GOLIM4: variants seen among roughly 807,000 people sequenced by gnomAD.
The protein encoded by GOLIM4 is golgi integral membrane protein 4.
A neutral mutation model predicts 107.4 loss-of-function variants in GOLIM4; 71 were observed. The observed-to-expected ratio is 0.66, with a 90% CI of 0.55 to 0.81. The LOEUF is 0.81. Ranked by LOEUF, GOLIM4 falls within the 30% of genes least tolerant of loss-of-function variation. The pLI is 0.00. For missense variants in GOLIM4, 830 were observed against 826.1 expected (o/e 1.00, Z -0.06); for synonymous variants, 327 against 294.8 (o/e 1.11, Z -1.12).
intron 1 of GOLIM4, among the ~76,000 whole-genome samples, chr3:168,055,833 C>T (rs887206966): frequency 6.7e-6 from 1 of 149,664 alleles, no homozygotes; most frequent in African/African-American, 2.5e-5. Flanking sequence ...GACTCAGGTG[C>T]TGTTAAAGGC....
At chr3:168,094,188 T>C (rs1722042870) in intron 1 of GOLIM4, among the ~76,000 whole-genome samples, 1 of 152,252 alleles carries the variant, frequency 6.6e-6, no homozygotes, top group South Asian at 2.1e-4. Context: ...ACGTTAAAAG[T>C]AAATTCAAAT....
chr3:168,012,076 C>T (rs1560065164), intron 14 of GOLIM4, among the ~76,000 whole-genome samples: 2 of 125,734 alleles, frequency 1.6e-5, no homozygotes, highest in South Asian at 2.2e-4. Flanking sequence ...AGGCTTCAGA[C>T]GATCAAATTA....
intron 14 of GOLIM4, among the ~76,000 whole-genome samples, chr3:168,019,624 A>G (rs923911092): frequency 6.6e-6 from 1 of 152,086 alleles, no homozygotes; most frequent in African/African-American, 2.4e-5. Flanking sequence ...TTCTGAATTT[A>G]TTTGCTTCTT....
intron 3 of GOLIM4, among the ~76,000 whole-genome samples, chr3:168,045,708 AT>A (rs555797028): frequency 5.9e-5 from 9 of 151,892 alleles, no homozygotes; most frequent in African/African-American, 9.7e-5. Context: ...ACACTCATGC[AT>A]TTTTTTTCAT....
chr3:168,089,224 AATG>A (rs1452965413), intron 1 of GOLIM4, among the ~76,000 whole-genome samples: 1 of 152,208 alleles, frequency 6.6e-6, no homozygotes, highest in Non-Finnish European at 1.5e-5. Flanking sequence ...ATCAAGCAAA[AATG>A]ATAGTCTCTT....
chr3:168,092,881 GT>G (rs1188747446), intron 1 of GOLIM4, among the ~76,000 whole-genome samples: 1 of 152,330 alleles, frequency 6.6e-6, no homozygotes, highest in East Asian at 1.9e-4. Flanking sequence ...TAGCCTGCTT[GT>G]GAAATAATTA....
chr3:168,090,991 G>A (rs1721878634), intron 1 of GOLIM4, among the ~76,000 whole-genome samples: 1 of 151,954 alleles, frequency 6.6e-6, no homozygotes, highest in Non-Finnish European at 1.5e-5. Context: ...GACATAGAGA[G>A]TGGAAGTGGA....
At chr3:168,074,249 T>C (rs531130221) in intron 1 of GOLIM4, among the ~76,000 whole-genome samples, 31 of 152,350 alleles carry the variant, frequency 2.0e-4, no homozygotes, top group African/African-American at 7.2e-4. Flanking sequence ...AAGCTGCTTC[T>C]GGATTCATGA....
At chr3:168,066,495 G>C (rs1291101367) in intron 1 of GOLIM4, among the ~76,000 whole-genome samples, 1 of 152,040 alleles carries the variant, frequency 6.6e-6, no homozygotes, top group Non-Finnish European at 1.5e-5. Flanking sequence ...ACTTCTCAGG[G>C]AGAACAGTTA....
intron 14 of GOLIM4, 122 bp downstream of exon 14, chr3:168,024,404 G>T: frequency 1.3e-6 from 1 of 792,200 alleles, no homozygotes; most frequent in Non-Finnish European, 2.2e-6. Flanking sequence ...TTCTTATCCT[G>T]CTTAAATTTT....
At chr3:168,042,632 T>C (rs1015920295) in intron 5 of GOLIM4, among the ~76,000 whole-genome samples, 8 of 152,188 alleles carry the variant, frequency 5.3e-5, no homozygotes, top group South Asian at 2.1e-4. Context: ...ACCTAAATAT[T>C]TGATTGCAGA....
intron 14 of GOLIM4, among the ~76,000 whole-genome samples, chr3:168,017,165 A>G (rs976073220): frequency 6.6e-6 from 1 of 152,182 alleles, no homozygotes; most frequent in South Asian, 2.1e-4. Context: ...TTCCAAATAT[A>G]AAACATCTGA....
intron 1 of GOLIM4, among the ~76,000 whole-genome samples, chr3:168,079,815 C>T (rs1007758595): frequency 2.0e-5 from 3 of 151,924 alleles, no homozygotes; most frequent in Non-Finnish European, 4.4e-5. Flanking sequence ...TAATTTTACA[C>T]TATATTTTAA....
At chr3:168,085,874 A>G (rs748074614) in intron 1 of GOLIM4, among the ~76,000 whole-genome samples, 32 of 151,948 alleles carry the variant, frequency 2.1e-4, no homozygotes, top group Non-Finnish European at 3.7e-4. Flanking sequence ...TCCTACCACC[A>G]TATGTTGGCT....
intron 1 of GOLIM4, among the ~76,000 whole-genome samples, chr3:168,066,618 A>G (rs1182636685): frequency 1.3e-5 from 2 of 152,146 alleles, no homozygotes; most frequent in African/African-American, 4.8e-5. Flanking sequence ...AGTGTCCTTT[A>G]ATACCTACTT....
At chr3:168,015,270 T>C (rs1335843903) in intron 14 of GOLIM4, among the ~76,000 whole-genome samples, 2 of 142,332 alleles carry the variant, frequency 1.4e-5, no homozygotes, top group Non-Finnish European at 3.0e-5. Context: ...AGCCAAATCA[T>C]GAGTGAACTC....
At position 168,029,389 on chromosome 3, in the gene GOLIM4, A is replaced by G. The variant is rs144010173; in HGVS notation, c.1434-87T>C. 6.2e-5 allele frequency: 51 copies of G among 819,236 alleles called. No individual in the cohort carries two copies. The African/African-American group carries it at 7.2e-4, about 12-fold the overall frequency. 50.7% of individuals were successfully genotyped at this position (819,236 alleles called of 1,614,324 possible). ...AGGTCATTTATCTTTAAAGACAGTAATAAGTAATGTTTCTCAACATTTTTA... is the reference window on the plus strand; with the variant it reads ...AGGTCATTTATCTTTAAAGACAGTAGTAAGTAATGTTTCTCAACATTTTTA... On this transcript the variant is annotated intron_variant, in intron 10 of 15. Transcript: ENST00000470487.
At chr3:168,062,337 A>G (rs1720318169) in intron 1 of GOLIM4, among the ~76,000 whole-genome samples, 1 of 151,414 alleles carries the variant, frequency 6.6e-6, no homozygotes, top group Non-Finnish European at 1.5e-5. Flanking sequence ...GATAGTTGCC[A>G]TTTCCATTTG....
At chr3:168,033,583 G>T (rs1338683412) in intron 8 of GOLIM4, among the ~76,000 whole-genome samples, 1 of 122,062 alleles carries the variant, frequency 8.2e-6, no homozygotes, top group African/African-American at 3.3e-5. Context: ...CTCCAGCCTG[G>T]GCGACAGAGC....
Sources: allele counts gnomAD v4.1 joint callset (sites outside exome capture counted in the v4.1 genomes callset), GRCh38; gene constraint gnomAD v4.1.1; transcripts MANE v1.5; gene names NCBI Gene and HGNC (gene_info 2026-07-23, HGNC 2026-07-21).